HEBP1: variants seen among roughly 807,000 people sequenced by gnomAD.
The protein encoded by HEBP1 is heme-binding protein 1.
In HEBP1, 13 loss-of-function variants were observed where a neutral mutation model predicts 20.4. The observed-to-expected ratio is 0.64, with a 90% CI of 0.42 to 1.01. HEBP1 has a LOEUF of 1.01. Ranked by LOEUF, HEBP1 falls within the 50% of genes least tolerant of loss-of-function variation. The pLI, the probability that HEBP1 is intolerant of heterozygous loss-of-function variation, is 0.00. For missense variants in HEBP1, 241 were observed against 247.3 expected, an observed-to-expected ratio of 0.97 and a Z score of 0.17; for synonymous variants, 92 against 90.7, an observed-to-expected ratio of 1.01 and a Z score of -0.08.
Position 12,975,254 on chromosome 12 carries a change from G to C in HEBP1, c.*54C>G. On this transcript the variant is annotated 3_prime_UTR_variant, in exon 4 of 4. Transcript: ENST00000014930. ...GAAGCACTGTCCCCTCCTTACCCCC[G>C]AGGAAGGAGACACAGAGGCACACTT... 1 of 1,561,062 alleles carries C rather than the reference G, an allele frequency of 6.4e-7. No individual in the cohort carries two copies. Among genetic ancestry groups the C allele is most frequent in the Non-Finnish European group, 8.8e-7 (1 of 1,138,176 alleles).
chr12:12,985,598 T>C (rs1186062026), intron 3 of HEBP1: 1 of 152,140 alleles, frequency 6.6e-6, no homozygotes, highest in Non-Finnish European at 1.5e-5. Flanking sequence ...TTCAATCATG[T>C]CTATCTCATT....
chr12:12,980,905 G>A (rs1864072578), intron 3 of HEBP1, among the ~76,000 whole-genome samples: 1 of 152,254 alleles, frequency 6.6e-6, no homozygotes, highest in African/African-American at 2.4e-5. Flanking sequence ...TGGTTGGATG[G>A]GCCTGAGGCC....
At chr12:12,979,646 G>A (rs1043109270) in intron 3 of HEBP1, 12 of 152,168 alleles carry the variant, frequency 7.9e-5, no homozygotes, top group African/African-American at 2.7e-4. Flanking sequence ...TGCTCATAAA[G>A]TGCTTTGAGC....
intron 3 of HEBP1, 80 bp downstream of exon 3, chr12:12,987,072 G>C: frequency 8.7e-7 from 1 of 1,148,434 alleles, no homozygotes; most frequent in Non-Finnish European, 1.2e-6. Context: ...AATTTGACGC[G>C]AATGCTTGCC....
intron 3 of HEBP1, chr12:12,983,501 A>G (rs771253299): frequency 3.1e-6 from 1 of 326,420 alleles, no homozygotes; most frequent in South Asian, 2.4e-5. Context: ...CACTCACTGC[A>G]TTATTTGATA....
At chr12:12,980,801 G>A (rs1265498143) in intron 3 of HEBP1, among the ~76,000 whole-genome samples, 1 of 152,200 alleles carries the variant, frequency 6.6e-6, no homozygotes, top group East Asian at 1.9e-4. Context: ...TTTACTGCCT[G>A]GTCAAACATT....
rs561877833 is a variant in HEBP1, at chr12:13,000,236, G to A, written c.-122C>T. 4 of 375,042 alleles carry A rather than the reference G, an allele frequency of 1.1e-5. No individual in the cohort carries two copies. The highest frequency in any genetic ancestry group is 4.7e-5 in the Admixed American group (1 of 21,236). The allele number at this position is 375,042 out of a possible 1,614,324, so 23.2% of individuals were successfully genotyped here. On this transcript the variant is annotated 5_prime_UTR_variant, in exon 1 of 4. Coordinates refer to ENST00000014930, the MANE Select transcript of HEBP1 (RefSeq NM_015987.5). Reference sequence around the variant, plus strand: ...CGGCAGGGCGGCAGGGCGGCAGGGTGGCAGGGCGGCAAGGCGGCGGGACGG... The same window carrying A: ...CGGCAGGGCGGCAGGGCGGCAGGGTAGCAGGGCGGCAAGGCGGCGGGACGG...
chr12:12,999,640 T>C (rs1864330129), intron 1 of HEBP1, among the ~76,000 whole-genome samples: 1 of 152,264 alleles, frequency 6.6e-6, no homozygotes, highest in South Asian at 2.1e-4. Flanking sequence ...GGGGCTACTA[T>C]CCGCAGTTCT....
Position 12,996,571 on chromosome 12 carries a change from G to T in HEBP1, c.78+3466C>A, listed in dbSNP as rs1200609229. Among the ~76,000 whole-genome samples, 1 of 152,022 alleles carries T rather than the reference G, an allele frequency of 6.6e-6. No individual in the cohort carries two copies. The highest frequency in any genetic ancestry group is 6.6e-5 in the Admixed American group (1 of 15,254). On this transcript the variant is annotated intron_variant, in intron 1 of 3. Transcript: ENST00000014930. The surrounding 1 kb of genome is among the most constrained non-coding windows in gnomAD (Gnocchi z 4.1). ...CCCAGGAGAGTGGACAATAGTTTCT[G>T]ACCCAGGCTGTTTCCAGGATAAAAT...
chr12:12,975,614 A>G (rs1863970656), intron 3 of HEBP1, 135 bp from the exon 4 acceptor site: 1 of 660,858 alleles, frequency 1.5e-6, no homozygotes, highest in Admixed American at 3.4e-5. Flanking sequence ...CTGAGTCACC[A>G]CTTCCTAGAT....
chr12:12,987,269 A>C lies in HEBP1; in HGVS notation c.281T>G (p.Leu94Arg). 6.2e-7 allele frequency: 1 copy of C among 1,614,142 alleles called. No individual in the cohort carries two copies. The highest frequency in any genetic ancestry group is 8.5e-7 in the Non-Finnish European group (1 of 1,180,010). Reference sequence around the variant, plus strand: ...GAACCAGACTTTTAATTTCTTCTGCAGAGAGCCATCTTCATTGGGGAACAC... The same window carrying C: ...GAACCAGACTTTTAATTTCTTCTGCCGAGAGCCATCTTCATTGGGGAACAC... ...FAVFPNEDGS[L>R]QKKLKVWFRI... The change falls in exon 3 of 4, where the codon CTG becomes CGG. Residue 94 changes from leucine to arginine, a missense_variant. Coordinates refer to ENST00000014930, the MANE Select transcript of HEBP1 (RefSeq NM_015987.5).
intron 3 of HEBP1, chr12:12,983,537 C>T (rs939295603): frequency 1.7e-5 from 6 of 361,702 alleles, no homozygotes; most frequent in Admixed American, 3.3e-5. Context: ...TGAAGTAGTA[C>T]ATTTGCCTTC....
intron 3 of HEBP1, chr12:12,977,524 T>C (rs959749169): frequency 6.6e-6 from 1 of 152,190 alleles, no homozygotes; most frequent in Non-Finnish European, 1.5e-5. Context: ...CACTGTGCTA[T>C]GATCACATCT....
intron 1 of HEBP1, among the ~76,000 whole-genome samples, chr12:12,994,324 G>T (rs1864265991): frequency 6.6e-6 from 1 of 152,230 alleles, no homozygotes; most frequent in Non-Finnish European, 1.5e-5. Context: ...GCTGTTGTGG[G>T]AGTTGGATTT....
chr12:12,987,029 A>G (rs1166464221), intron 3 of HEBP1, 123 bp downstream of exon 3: 13 of 758,928 alleles, frequency 1.7e-5, no homozygotes, highest in Non-Finnish European at 2.9e-5. Context: ...AGGATTCAGC[A>G]TTTCCTACTT....
rs1400633139 is a variant in HEBP1, at chr12:12,996,667, A to C, written c.78+3370T>G. On this transcript the variant is annotated intron_variant, in intron 1 of 3. Coordinates refer to ENST00000014930, the MANE Select transcript of HEBP1 (RefSeq NM_015987.5). This position sits in a 1 kb window ranked among gnomAD's most constrained non-coding sequence, Gnocchi z 4.1. ...TGTATATTTAAAAAAAAAAAGGTTT[A>C]CAAGTATCTATGCATAATTAATTAA... Among the ~76,000 whole-genome samples the C allele has an allele frequency of 6.6e-6, 1 of 152,108 alleles. No individual in the cohort carries two copies. Among genetic ancestry groups the C allele is most frequent in the African/African-American group, 2.4e-5 (1 of 41,426 alleles).
chr12:12,979,257 C>T (rs1864042408), intron 3 of HEBP1, among the ~76,000 whole-genome samples: 1 of 152,192 alleles, frequency 6.6e-6, no homozygotes. Context: ...ACCCCCAATT[C>T]TTTACATTTA....
rs757096805 is a variant in HEBP1 at position 12,996,985 on chromosome 12, C to T, written c.78+3052G>A. Among the ~76,000 whole-genome samples the T allele has an allele frequency of 1.3e-5, 2 of 152,160 alleles. No individual in the cohort carries two copies. Among genetic ancestry groups the T allele is most frequent in the Non-Finnish European group, 2.9e-5 (2 of 68,038 alleles). On this transcript the variant is annotated intron_variant, in intron 1 of 3. Coordinates refer to ENST00000014930, the MANE Select transcript of HEBP1 (RefSeq NM_015987.5). The surrounding 1 kb of genome is among the most constrained non-coding windows in gnomAD (Gnocchi z 4.1). ...AGCTGAGATGAGCACTGATATAATGCTATTACTATATTTGTAGGGTATGTA... is the reference window on the plus strand; with the variant it reads ...AGCTGAGATGAGCACTGATATAATGTTATTACTATATTTGTAGGGTATGTA...
chr12:12,996,980 T>C lies in HEBP1; in HGVS notation c.78+3057A>G, dbSNP rs1565495180. ...AATGAAGCTGAGATGAGCACTGATA[T>C]AATGCTATTACTATATTTGTAGGGT... On this transcript the variant is annotated intron_variant, in intron 1 of 3. Transcript: ENST00000014930. This position sits in a 1 kb window ranked among gnomAD's most constrained non-coding sequence, Gnocchi z 4.1. 6.6e-6 allele frequency among the ~76,000 whole-genome samples: 1 copy of C among 152,236 alleles called. No homozygotes were observed. The highest frequency in any genetic ancestry group is 6.5e-5 in the Admixed American group (1 of 15,288).
Sources: gnomAD v4.1 joint callset for allele counts (sites outside exome capture counted in the v4.1 genomes callset) on GRCh38, gnomAD v4.1.1 for gene constraint, Gnocchi (gnomAD v3.1) non-coding constraint, MANE v1.5 for transcripts, NCBI Gene and HGNC (gene_info 2026-07-23, HGNC 2026-07-21) for gene names.